DCHS2: variants seen among roughly 807,000 people sequenced by gnomAD.
DCHS2 encodes dachsous cadherin-related 2.
Under a neutral mutation model 182.4 loss-of-function variants are expected in DCHS2, and 142 were observed. That is an observed-to-expected ratio of 0.78 (90% CI 0.68 to 0.89). The LOEUF (loss-of-function observed/expected upper bound fraction) is 0.89. DCHS2 is among the 40% of genes least tolerant of loss of function. The probability of loss-of-function intolerance (pLI) is 0.00; values close to 1 mark genes in which losing one functional copy is unlikely to be tolerated. For synonymous variants in DCHS2, 1,740 were observed against 1,663.3 expected (o/e 1.05, Z -1.12); for missense variants, 4,319 against 4,198.6 (o/e 1.03, Z -0.79).
intron 16 of DCHS2, among the ~76,000 whole-genome samples, chr4:154,243,285 T>C (rs1329737707): frequency 6.6e-6 from 1 of 152,196 alleles, no homozygotes; most frequent in East Asian, 1.9e-4. Flanking sequence ...GACACCGCTA[T>C]GATGAACACA....
chr4:154,351,897 G>A (rs1199069455), intron 3 of DCHS2, among the ~76,000 whole-genome samples: 1 of 152,128 alleles, frequency 6.6e-6, no homozygotes, highest in Non-Finnish European at 1.5e-5. Context: ...GTGGCCCAGG[G>A]GTTGGGAACC....
chr4:154,320,401 C>T lies in DCHS2; in HGVS notation c.4998G>A (p.Thr1666=), dbSNP rs749989326. 16 of 1,613,760 alleles carry T rather than the reference C, an allele frequency of 9.9e-6. No homozygotes were observed. The highest frequency in any genetic ancestry group is 5.5e-5 in the South Asian group (5 of 91,066). ...YSILSGNENM[T]FMLDESSGLL... is the part of the protein sequence containing the mutation. ...TACCTGATGACTCATCTAGCATAAA[C>T]GTCATGTTTTCATTTCCTGAGAGGA... The change falls in exon 9 of 20, where the codon ACG becomes ACA. Residue 1666 remains threonine (T), a synonymous_variant. Transcript: ENST00000357232.
rs200368559 is a variant in DCHS2 at position 154,366,379 on chromosome 4, A to G, written c.2307T>C (p.Pro769=). The G allele has an allele frequency of 6.6e-5, 107 of 1,614,022 alleles. No individual in the cohort carries two copies. In the East Asian group the frequency reaches 2.3e-3, roughly 35 times the overall value. Residue 769 remains proline (P), a synonymous_variant, in exon 3 of 20, where the codon CCT becomes CCC. Coordinates refer to ENST00000357232, the MANE Select transcript of DCHS2 (RefSeq NM_001358235.2). ...TCACATAGGTTGATGGGTTAAACAC[A>G]GGATGATTATCATTCACGTCCTCCA... ...VDLEDVNDNH[P]VFNPSTYVTS...
rs770907723 is a variant in DCHS2 at position 154,298,547 on chromosome 4, C to G, written c.5767G>C (p.Val1923Leu). 8.7e-6 allele frequency: 14 copies of G among 1,614,156 alleles called. No individual in the cohort carries two copies. The South Asian group carries it at 1.2e-4, about 14-fold the overall frequency. The change falls in exon 13 of 20, where the codon GTT becomes CTT. Residue 1923 changes from valine to leucine, a missense_variant. Transcript: ENST00000357232. ...GGACTGTGGTCATTGGCATCCAAAA[C>G]TCTAACTTGCAGGTGTATTACAGAG... ...RSSVIHLQVR[V>L]LDANDHSPSF...
At position 154,489,559 on chromosome 4, in the gene DCHS2, G is replaced by T. The variant is rs909233852; in HGVS notation, c.1797C>A (p.Thr599=). 5.6e-5 allele frequency: 87 copies of T among 1,551,060 alleles called. No homozygotes were observed. Among genetic ancestry groups the T allele is most frequent in the Non-Finnish European group, 7.2e-5 (82 of 1,146,678 alleles). Residue 599 remains threonine, a synonymous_variant, in exon 1 of 20, where the codon ACC becomes ACA. Coordinates refer to ENST00000357232, the MANE Select transcript of DCHS2 (RefSeq NM_001358235.2). ...TGGCAAAAGATGGTCCACACTCTGC[G>T]GTGTGGACCATCTTTGATTGCAGGG... The part of the protein sequence containing the change: ...LGSLQSKMVH[T]AECGPSFAID...
intron 10 of DCHS2, among the ~76,000 whole-genome samples, chr4:154,314,027 A>G (rs146604386): frequency 1.6e-4 from 25 of 152,352 alleles, no homozygotes; most frequent in African/African-American, 5.8e-4. Flanking sequence ...TTTGGTTAAT[A>G]TATGCAAATT....
intron 13 of DCHS2, among the ~76,000 whole-genome samples, chr4:154,292,553 T>C (rs1174402935): frequency 6.6e-6 from 1 of 152,182 alleles, no homozygotes; most frequent in African/African-American, 2.4e-5. Flanking sequence ...CCTAAACTAC[T>C]TCAACAGAGC....
Position 154,489,849 on chromosome 4 carries a change from C to A in DCHS2, c.1507G>T (p.Asp503Tyr). The change falls in exon 1 of 20, where the codon GAT (aspartate) becomes TAT (tyrosine). Residue 503 changes from aspartate (D) to tyrosine (Y), a missense_variant. Coordinates refer to ENST00000357232, the MANE Select transcript of DCHS2 (RefSeq NM_001358235.2). Reference sequence around the variant, plus strand: ...GCCACCAGTAGTAACTCATACAGATCGCGGCTCTCTCTGTCCAGGGGCCCC... The same window carrying A: ...GCCACCAGTAGTAACTCATACAGATAGCGGCTCTCTCTGTCCAGGGGCCCC... ...VEGPLDRESR[D>Y]LYELLLVATD... 1.3e-6 allele frequency: 2 copies of A among 1,548,772 alleles called. No individual in the cohort carries two copies. The highest frequency in any genetic ancestry group is 1.2e-5 in the South Asian group (1 of 83,928).
chr4:154,242,739 G>A lies in DCHS2; in HGVS notation c.6975C>T (p.Pro2325=). 1.9e-6 allele frequency: 3 copies of A among 1,612,438 alleles called. No homozygotes were observed. Among genetic ancestry groups the A allele is most frequent in the Non-Finnish European group, 2.5e-6 (3 of 1,179,176 alleles). The change falls in exon 17 of 20, where the codon CCC becomes CCT. Residue 2325 remains proline (P), a synonymous_variant. Coordinates refer to ENST00000357232, the MANE Select transcript of DCHS2 (RefSeq NM_001358235.2). The part of the protein sequence containing the change: ...LIVQATDKGM[P]RLSNTTVIKV... ...TGATTACAGTCGTATTAGAAAGCCTGGGCATCCCTTTATCTGTGGCTTGGA... is the reference window on the plus strand; with the variant it reads ...TGATTACAGTCGTATTAGAAAGCCTAGGCATCCCTTTATCTGTGGCTTGGA...
chr4:154,428,334 G>A (rs1449130002), intron 1 of DCHS2, among the ~76,000 whole-genome samples: 1 of 152,128 alleles, frequency 6.6e-6, no homozygotes, highest in Non-Finnish European at 1.5e-5. Flanking sequence ...GAGGCCAAGA[G>A]TTCAAGACCA....
intron 1 of DCHS2, among the ~76,000 whole-genome samples, chr4:154,445,277 A>G (rs569402098): frequency 1.6e-4 from 24 of 152,212 alleles, no homozygotes; most frequent in South Asian, 4.1e-4. Flanking sequence ...TCCTGAATGA[A>G]TTAATTCATA....
chr4:154,321,188 G>C lies in DCHS2; in HGVS notation c.4211C>G (p.Ser1404Cys). Residue 1404 changes from serine (S) to cysteine (C), a missense_variant, in exon 9 of 20, where the codon TCT (serine) becomes TGT (cysteine). Transcript: ENST00000357232. The part of the protein sequence containing the change: ...IPLSKGRAIM[S>C]QNIRHLIIPE... ...TATAATTAAATGTCTAATATTCTGA[G>C]ACATGATTGCTCTCCCTTTGGATAG... 1 of 1,566,766 alleles carries C rather than the reference G, an allele frequency of 6.4e-7. No individual in the cohort carries two copies. Among genetic ancestry groups the C allele is most frequent in the Non-Finnish European group, 8.7e-7 (1 of 1,154,138 alleles).
In DCHS2 at chr4:154,332,502, A is replaced by G; in HGVS notation, c.3706T>C (p.Phe1236Leu). 6.2e-7 allele frequency: 1 copy of G among 1,613,382 alleles called. No individual in the cohort carries two copies. The highest frequency in any genetic ancestry group is 8.5e-7 in the Non-Finnish European group (1 of 1,179,580). Reference sequence around the variant, plus strand: ...CCTGTATTAGGATTCATCTTGAAGAATTTTCCATCAGACAAAAGGAAATAT... The same window carrying G: ...CCTGTATTAGGATTCATCTTGAAGAGTTTTCCATCAGACAAAAGGAAATAT... ...LLYFLLSDGK[F>L]FKMNPNTGEL... Residue 1236 changes from phenylalanine (F) to leucine (L), a missense_variant, in exon 5 of 20, where the codon TTC becomes CTC. Phe to Leu is a conservative substitution (Grantham distance 22, BLOSUM62 0). Transcript: ENST00000357232.
At chr4:154,371,104 G>A (rs1730623282) in intron 2 of DCHS2, among the ~76,000 whole-genome samples, 1 of 151,992 alleles carries the variant, frequency 6.6e-6, no homozygotes, top group Non-Finnish European at 1.5e-5. Context: ...TTCAGCAAAT[G>A]ATAGTAAAGT....
intron 1 of DCHS2, among the ~76,000 whole-genome samples, chr4:154,476,536 C>T (rs944665505): frequency 6.6e-6 from 1 of 152,166 alleles, no homozygotes; most frequent in Non-Finnish European, 1.5e-5. Flanking sequence ...TCACTGTTAC[C>T]CTGCAGAATG....
chr4:154,235,187 G>C lies in DCHS2; in HGVS notation c.9465C>G (p.Ala3155=). 1 of 1,613,938 alleles carries C rather than the reference G, an allele frequency of 6.2e-7. No homozygotes were observed. The highest frequency in any genetic ancestry group is 8.5e-7 in the Non-Finnish European group (1 of 1,179,944). The change falls in exon 20 of 20, where the codon GCC becomes GCG. Residue 3155 remains alanine, a synonymous_variant. Coordinates refer to ENST00000357232, the MANE Select transcript of DCHS2 (RefSeq NM_001358235.2). The part of the protein sequence containing the change: ...LSGETDVMVT[A]ETAEASQTFG... ...ATGTTTGGCTGGCTTCTGCTGTTTC[G>C]GCAGTCACCATCACATCAGTTTCCC...
chr4:154,246,097 G>A (rs1253674952), intron 16 of DCHS2, among the ~76,000 whole-genome samples: 1 of 152,120 alleles, frequency 6.6e-6, no homozygotes, highest in East Asian at 1.9e-4. Context: ...AGATACGTGA[G>A]GAGCAGAGTT....
At chr4:154,311,407 T>TA (rs1384277937) in intron 10 of DCHS2, among the ~76,000 whole-genome samples, 1 of 105,818 alleles carries the variant, frequency 9.5e-6, no homozygotes, top group Admixed American at 9.7e-5. Flanking sequence ...AATTTTTATA[T>TA]TTTTTTTTGT....
chr4:154,333,393 C>A lies in DCHS2; in HGVS notation c.2815G>T (p.Asp939Tyr). 6.2e-7 allele frequency: 1 copy of A among 1,614,090 alleles called. No homozygotes were observed. The highest frequency in any genetic ancestry group is 8.5e-7 in the Non-Finnish European group (1 of 1,180,034). Reference sequence around the variant, plus strand: ...ACAACCACGGGCTGCGTCTCGTGATCCAGGGGCTTCCGGGTGCGAATAGTG... The same window carrying A: ...ACAACCACGGGCTGCGTCTCGTGATACAGGGGCTTCCGGGTGCGAATAGTG... ...LGTIRTRKPL[D>Y]HETQPVVVLT... is the part of the protein sequence containing the mutation. The change falls in exon 5 of 20, where the codon GAT becomes TAT. Residue 939 changes from aspartate to tyrosine, a missense_variant. Transcript: ENST00000357232.
Sources: allele counts gnomAD v4.1 joint callset (sites outside exome capture counted in the v4.1 genomes callset), GRCh38; gene constraint gnomAD v4.1.1; transcripts MANE v1.5; gene names NCBI Gene and HGNC (gene_info 2026-07-23, HGNC 2026-07-21).